The following B3GALT1 variants were observed in gnomAD, a reference collection of about 807,000 sequenced individuals.
The protein encoded by B3GALT1 is beta-1,3-galactosyltransferase 1.
A neutral mutation model predicts 23.2 loss-of-function variants in B3GALT1; 10 were observed. The ratio of observed to expected loss-of-function variants is 0.43; its 90% confidence interval spans 0.27 to 0.73. The LOEUF (loss-of-function observed/expected upper bound fraction) is 0.73, where lower values mean the gene tolerates loss of function less well. B3GALT1 is among the 30% of genes least tolerant of loss of function. The pLI is 0.21. For missense variants in B3GALT1, 299 were observed against 405.4 expected, an observed-to-expected ratio of 0.74 and a Z score of 2.25; for synonymous variants, 156 against 141.5, an observed-to-expected ratio of 1.10 and a Z score of -0.73.
intron 1 of B3GALT1, among the ~76,000 whole-genome samples, chr2:167,374,113 T>G (rs1211025830): frequency 6.6e-6 from 1 of 152,074 alleles, no homozygotes; most frequent in Non-Finnish European, 1.5e-5. Context: ...GAACATGCAG[T>G]GTTTGGTCTT....
At chr2:167,564,484 C>G (rs1684108311) in intron 2 of B3GALT1, among the ~76,000 whole-genome samples, 1 of 152,206 alleles carries the variant, frequency 6.6e-6, no homozygotes, top group Non-Finnish European at 1.5e-5. Flanking sequence ...AGGCTGCAAT[C>G]TCGGCACCCT....
At chr2:167,603,926 G>T (rs565831274) in intron 2 of B3GALT1, among the ~76,000 whole-genome samples, 2 of 151,294 alleles carry the variant, frequency 1.3e-5, no homozygotes, top group Admixed American at 1.3e-4. Flanking sequence ...GAACAAAAAC[G>T]ACTGCAATTT....
intron 3 of B3GALT1, among the ~76,000 whole-genome samples, chr2:167,814,566 C>G (rs1688954865): frequency 6.6e-6 from 1 of 152,068 alleles, no homozygotes; most frequent in South Asian, 2.1e-4. Context: ...TCGAGAACAT[C>G]CTGGCTAACA....
chr2:167,775,568 C>CAAAAA (rs60193092), intron 3 of B3GALT1, among the ~76,000 whole-genome samples: 1 of 133,946 alleles, frequency 7.5e-6, no homozygotes, highest in Non-Finnish European at 1.6e-5. Context: ...GACGCTGTCT[C>CAAAAA]AAAAAAAAAA....
chr2:167,612,101 T>C (rs1291169608), intron 2 of B3GALT1, among the ~76,000 whole-genome samples: 1 of 151,958 alleles, frequency 6.6e-6, no homozygotes, highest in African/African-American at 2.4e-5. Context: ...AGCCTGTGGA[T>C]AAACAAAAGA....
At chr2:167,404,188 C>G (rs1401594757) in intron 1 of B3GALT1, among the ~76,000 whole-genome samples, 1 of 152,018 alleles carries the variant, frequency 6.6e-6, no homozygotes, top group Non-Finnish European at 1.5e-5. Context: ...AAAGGGGAGG[C>G]AGGTGCCAGG....
intron 2 of B3GALT1, among the ~76,000 whole-genome samples, chr2:167,637,704 C>T (rs1014673859): frequency 7.9e-5 from 12 of 152,056 alleles, no homozygotes; most frequent in Admixed American, 5.9e-4. Context: ...CACCCTCTGC[C>T]TTATATGATC....
At chr2:167,547,930 C>T (rs947863474) in intron 2 of B3GALT1, among the ~76,000 whole-genome samples, 1 of 152,096 alleles carries the variant, frequency 6.6e-6, no homozygotes, top group East Asian at 1.9e-4. Flanking sequence ...CCAATATCAC[C>T]AAGGAATGAG....
intron 3 of B3GALT1, among the ~76,000 whole-genome samples, chr2:167,732,304 C>T (rs770423102): frequency 3.3e-5 from 5 of 152,124 alleles, no homozygotes; most frequent in African/African-American, 9.7e-5. Context: ...GACTTTCTGT[C>T]GAGTCTCCTC....
intron 3 of B3GALT1, among the ~76,000 whole-genome samples, chr2:167,687,006 T>C (rs1254825668): frequency 1.3e-5 from 2 of 152,206 alleles, no homozygotes; most frequent in Non-Finnish European, 2.9e-5. Flanking sequence ...ACAATACTTT[T>C]CAATATTCTG....
chr2:167,703,356 T>G (rs1574221936), intron 3 of B3GALT1, among the ~76,000 whole-genome samples: 1 of 152,226 alleles, frequency 6.6e-6, no homozygotes, highest in Non-Finnish European at 1.5e-5. Flanking sequence ...GTGGCTGGAG[T>G]AGGGGCACCG....
intron 3 of B3GALT1, among the ~76,000 whole-genome samples, chr2:167,745,169 G>A (rs1268804771): frequency 1.4e-5 from 2 of 146,756 alleles, no homozygotes; most frequent in South Asian, 4.4e-4. Context: ...GGTTGCCCTA[G>A]AAGTTTTAAT....
chr2:167,682,587 ATGCAAAT>A (rs555587924), intron 3 of B3GALT1, among the ~76,000 whole-genome samples: 1 of 152,230 alleles, frequency 6.6e-6, no homozygotes, highest in Non-Finnish European at 1.5e-5. Flanking sequence ...CTTTTTAAAA[ATGCAAAT>A]TCTCAAAGCC....
At chr2:167,819,042 A>G (rs1293257176) in intron 4 of B3GALT1, among the ~76,000 whole-genome samples, 1 of 152,194 alleles carries the variant, frequency 6.6e-6, no homozygotes, top group African/African-American at 2.4e-5. Context: ...CATGTGTAGG[A>G]CGTGCAGGAA....
intron 3 of B3GALT1, among the ~76,000 whole-genome samples, chr2:167,665,726 T>G (rs1235261201): frequency 6.6e-6 from 1 of 152,198 alleles, no homozygotes; most frequent in Non-Finnish European, 1.5e-5. Context: ...ATCCATTTCT[T>G]TTAGATTTTC....
intron 1 of B3GALT1, among the ~76,000 whole-genome samples, chr2:167,485,995 T>C (rs28699542): frequency 0.046 from 7,053 of 152,244 alleles, 538 homozygotes; most frequent in African/African-American, 0.16. Context: ...CATTAGAAAT[T>C]ATCTAGAATT....
At position 167,384,278 on chromosome 2, in the gene B3GALT1, T is replaced by G. The variant is rs183711714; in HGVS notation, c.-511+90944T>G. ...TTCTGGATCCTTAAAGATAAGGAAC[T>G]CTACTAGAAAGCATTCTTCCTCCCT... On this transcript the variant is annotated intron_variant, in intron 1 of 4. Transcript: ENST00000392690. 4.0e-3 allele frequency among the ~76,000 whole-genome samples: 604 copies of G among 152,280 alleles called. 2 individuals are homozygous for G. The highest frequency in any genetic ancestry group is 6.5e-3 in the Non-Finnish European group (442 of 68,014).
chr2:167,543,190 C>CT (rs1046334863), intron 2 of B3GALT1, among the ~76,000 whole-genome samples: 1 of 152,106 alleles, frequency 6.6e-6, no homozygotes, highest in Admixed American at 6.5e-5. Flanking sequence ...ACAGAGATGA[C>CT]TTTTTTTGAA....
chr2:167,819,962 C>A (rs373297225), intron 4 of B3GALT1, among the ~76,000 whole-genome samples: 1 of 152,164 alleles, frequency 6.6e-6, no homozygotes, highest in Non-Finnish European at 1.5e-5. Context: ...GACAGTGAGT[C>A]GCAAGAGGAC....
Sources: gnomAD v4.1 joint callset for allele counts (sites outside exome capture counted in the v4.1 genomes callset) on GRCh38, gnomAD v4.1.1 for gene constraint, MANE v1.5 for transcripts, NCBI Gene and HGNC (gene_info 2026-07-23, HGNC 2026-07-21) for gene names.